The following NSD3 variants were observed in gnomAD, a reference collection of about 807,000 sequenced individuals.
NSD3 encodes nuclear receptor binding SET domain protein 3, also known as histone-lysine N-methyltransferase NSD3.
In NSD3, 24 loss-of-function variants were observed where a neutral mutation model predicts 160.8. The observed-to-expected ratio is 0.15, with a 90% confidence interval of 0.11 to 0.21. The LOEUF (loss-of-function observed/expected upper bound fraction) is 0.21. Among genes scored for constraint, NSD3 ranks in the 10% least tolerant of loss-of-function variants. The probability of loss-of-function intolerance (pLI) is 1.00; values close to 1 mark genes in which losing one functional copy is unlikely to be tolerated. For missense variants in NSD3, 1,157 were observed against 1,735.9 expected (o/e 0.67, Z 5.93); for synonymous variants, 520 against 600.0 (o/e 0.87, Z 1.95).
At chr8:38,354,630 C>T (rs1810778307) in intron 1 of NSD3, among the ~76,000 whole-genome samples, 1 of 151,778 alleles carries the variant, frequency 6.6e-6, no homozygotes, top group South Asian at 2.1e-4. Context: ...TAGAGTAAAG[C>T]AAATGAGACA....
chr8:38,276,756 C>T, intron 22 of NSD3: 1 of 476,322 alleles, frequency 2.1e-6, no homozygotes, highest in Non-Finnish European at 3.8e-6. Context: ...GCAATCTTGG[C>T]TCACTGCAGC....
In NSD3 at chr8:38,347,867, G is replaced by A. The variant is rs573166953; in HGVS notation, c.305C>T (p.Ala102Val). ...GTCAGTGGGGCTAAAGTTTCTAACT[G>A]CACCAAAGCCATTGGCTGACCCATT... ...YPNGSANGFG[A>V]VRNFSPTDYY... Residue 102 changes from alanine (A) to valine (V), a missense_variant, in exon 2 of 24, where the codon GCA becomes GTA. Around this residue, in one of 10 missense-constraint regions of NSD3, gnomAD observed 121 missense variants for 177.2 expected, o/e 0.68. Transcript: ENST00000317025. 6.2e-7 allele frequency: 1 copy of A among 1,614,214 alleles called. No homozygotes were observed. Among genetic ancestry groups the A allele is most frequent in the South Asian group, 1.1e-5 (1 of 91,090 alleles).
intron 4 of NSD3, among the ~76,000 whole-genome samples, chr8:38,333,348 A>G (rs1224122069): frequency 6.6e-6 from 1 of 152,228 alleles, no homozygotes; most frequent in Non-Finnish European, 1.5e-5. Context: ...CTGGAAAACT[A>G]TGAAATAAGA....
In NSD3 at chr8:38,315,455, T is replaced by G. The variant is rs755289309; in HGVS notation, c.2076A>C (p.Arg692Ser). 3 of 1,605,264 alleles carry G rather than the reference T, an allele frequency of 1.9e-6. No homozygotes were observed. In the South Asian group the frequency reaches 3.4e-5, roughly 18 times the overall value. Residue 692 changes from arginine (R) to serine (S), a missense_variant, in exon 11 of 24, where the codon AGA becomes AGC. Coordinates refer to ENST00000317025, the MANE Select transcript of NSD3 (RefSeq NM_023034.2). The stretch of plus-strand genomic sequence containing the variant: ...CCTTCTTACTCATTCCAGTGCCTCT[T>G]CTCGACAAACTTGAATCCATGGACT... ...DVQSMDSSLS[R>S]RGTGMSKKDT...
chr8:38,379,732 T>C (rs1405048255), intron 1 of NSD3, among the ~76,000 whole-genome samples: 1 of 152,198 alleles, frequency 6.6e-6, no homozygotes, highest in Non-Finnish European at 1.5e-5. Flanking sequence ...CTGGTTTGAG[T>C]CCACCATATT....
At chr8:38,361,734 T>C (rs13267895) in intron 1 of NSD3, among the ~76,000 whole-genome samples, 1 of 143,438 alleles carries the variant, frequency 7.0e-6, no homozygotes, top group Non-Finnish European at 1.5e-5. Context: ...CAGCCTGGGC[T>C]ACAGAGCGAG....
chr8:38,273,042 T>C lies in NSD3; in HGVS notation c.*2599A>G, dbSNP rs779910728. On this transcript the variant is annotated 3_prime_UTR_variant, in exon 24 of 24. Coordinates refer to ENST00000317025, the MANE Select transcript of NSD3 (RefSeq NM_023034.2). ...GACTTCAGAACTATGGTTACCTTTTTTTTTTGAGATGGAGTCTCGCTCTGT... is the reference window on the plus strand; with the variant it reads ...GACTTCAGAACTATGGTTACCTTTTCTTTTTGAGATGGAGTCTCGCTCTGT... The C allele has an allele frequency of 1.3e-5, 2 of 152,342 alleles. No homozygotes were observed. Among genetic ancestry groups the C allele is most frequent in the African/African-American group, 2.4e-5 (1 of 41,462 alleles). The allele number at this position is 152,342 out of a possible 1,614,324, so 9.4% of individuals were successfully genotyped here. A position where few individuals can be genotyped will look rare whatever the true frequency, so the allele number is the denominator to read the frequency against.
rs1442921605 is a variant in NSD3 at position 38,272,352 on chromosome 8, A to G, written c.*3289T>C. 6.6e-6 allele frequency: 1 copy of G among 152,252 alleles called. No individual in the cohort carries two copies. The highest frequency in any genetic ancestry group is 6.5e-5 in the Admixed American group (1 of 15,282). 9.4% of individuals were successfully genotyped at this position (152,252 alleles called of 1,614,324 possible). A position where few individuals can be genotyped will look rare whatever the true frequency, so the allele number is the denominator to read the frequency against. ...AGAGTGGGAACTTGTTAAAACAAAAATGAAAATAAAACCCACCTCACTCCT... is the reference window on the plus strand; with the variant it reads ...AGAGTGGGAACTTGTTAAAACAAAAGTGAAAATAAAACCCACCTCACTCCT... On this transcript the variant is annotated 3_prime_UTR_variant, in exon 24 of 24. Transcript: ENST00000317025.
chr8:38,327,989 G>A (rs920540615), intron 6 of NSD3, among the ~76,000 whole-genome samples: 12 of 152,126 alleles, frequency 7.9e-5, no homozygotes, highest in African/African-American at 2.9e-4. Flanking sequence ...ACAGCTAGAG[G>A]CCAGGAGTTC....
chr8:38,351,881 G>A (rs1254889225), intron 1 of NSD3, among the ~76,000 whole-genome samples: 1 of 151,786 alleles, frequency 6.6e-6, no homozygotes, highest in Non-Finnish European at 1.5e-5. Flanking sequence ...TGGGGTGGGG[G>A]GAGTGGGGAG....
chr8:38,295,681 A>G, intron 16 of NSD3, 115 bp downstream of exon 16: 1 of 897,332 alleles, frequency 1.1e-6, no homozygotes, highest in Non-Finnish European at 1.6e-6. Flanking sequence ...TTTTTTTTTT[A>G]AGGAAGTAGG....
intron 12 of NSD3, among the ~76,000 whole-genome samples, chr8:38,312,104 T>C (rs1483630943): frequency 4.6e-5 from 7 of 152,200 alleles, no homozygotes; most frequent in African/African-American, 1.7e-4. Flanking sequence ...TGACCATATA[T>C]GCAAGTGCTT....
chr8:38,317,382 G>C lies in NSD3; in HGVS notation c.1856-1340C>G. On this transcript the variant is annotated intron_variant, in intron 9 of 23. Transcript: ENST00000317025. The surrounding 1 kb of genome is among the most constrained non-coding windows in gnomAD (Gnocchi z 5.3). ...GAACACCATCACAAAATATTTCCTT[G>C]GCCTAAAAGATCACTGGATTAACAA... The C allele has an allele frequency of 9.5e-7, 1 of 1,055,294 alleles. No homozygotes were observed. Among genetic ancestry groups the C allele is most frequent in the East Asian group, 5.4e-5 (1 of 18,686 alleles). The allele number at this position is 1,055,294 out of a possible 1,614,324, so 65.4% of individuals were successfully genotyped here.
chr8:38,365,269 T>A (rs921098879), intron 1 of NSD3, among the ~76,000 whole-genome samples: 3 of 152,230 alleles, frequency 2.0e-5, no homozygotes, highest in Non-Finnish European at 2.9e-5. Flanking sequence ...CCATGTTATA[T>A]ATCTTTCTCC....
intron 16 of NSD3, 150 bp from the exon 17 acceptor site, chr8:38,290,827 G>T: frequency 1.5e-6 from 1 of 669,380 alleles, no homozygotes. Context: ...ATTATAAAAA[G>T]TAATTAATGA....
rs1388841373 is a variant in NSD3, at chr8:38,348,222, T to C, written c.-44-7A>G. On this transcript the variant is annotated splice_polypyrimidine_tract_variant and splice_region_variant and intron_variant, in intron 1 of 23. Coordinates refer to ENST00000317025, the MANE Select transcript of NSD3 (RefSeq NM_023034.2). ...TCCCTTTCTCTCATCGGGCCTAAAA[T>C]TATAAAAGAGGGGATTAGAAGGTGT... is the stretch of plus-strand genomic sequence containing the variant. 1 of 1,513,514 alleles carries C rather than the reference T, an allele frequency of 6.6e-7. No homozygotes were observed. Among genetic ancestry groups the C allele is most frequent in the Non-Finnish European group, 8.8e-7 (1 of 1,134,618 alleles). The allele number at this position is 1,513,514 out of a possible 1,614,324, so 93.8% of individuals were successfully genotyped here. A position where few individuals can be genotyped will look rare whatever the true frequency, so the allele number is the denominator to read the frequency against.
At chr8:38,349,711 G>A (rs1810634370) in intron 1 of NSD3, among the ~76,000 whole-genome samples, 1 of 127,198 alleles carries the variant, frequency 7.9e-6, no homozygotes, top group Non-Finnish European at 1.6e-5. Context: ...TATACTTTAA[G>A]TTCTAGGGTA....
In NSD3 at chr8:38,296,754, G is replaced by T. The variant is rs1396421185; in HGVS notation, c.2759-802C>A. Among the ~76,000 whole-genome samples the T allele has an allele frequency of 2.6e-5, 4 of 151,262 alleles. No homozygotes were observed. In the East Asian group the frequency reaches 5.8e-4, roughly 22 times the overall value. ...CTCTCTATATATATACATATACAGA[G>T]AATATATTTTGAGACGGGCTCTATC... On this transcript the variant is annotated intron_variant, in intron 15 of 23. Transcript: ENST00000317025.
At chr8:38,369,858 G>T (rs534820695) in intron 1 of NSD3, among the ~76,000 whole-genome samples, 2 of 151,832 alleles carry the variant, frequency 1.3e-5, no homozygotes, top group African/African-American at 2.4e-5. Flanking sequence ...GCAGTGGCAC[G>T]ATCTCAGCTC....
Sources: gnomAD v4.1 joint callset for allele counts (sites outside exome capture counted in the v4.1 genomes callset) on GRCh38, gnomAD v4.1.1 for gene constraint, gnomAD v4.1.1 regional missense constraint, Gnocchi (gnomAD v3.1) non-coding constraint, MANE v1.5 for transcripts, NCBI Gene and HGNC (gene_info 2026-07-23, HGNC 2026-07-21) for gene names.